The following CCSER1 variants were observed in gnomAD, a reference collection of about 807,000 sequenced individuals.
CCSER1 encodes the protein serine-rich coiled-coil domain-containing protein 1.
Under a neutral mutation model 82.0 loss-of-function variants are expected in CCSER1, and 41 were observed. The ratio of observed to expected loss-of-function variants is 0.50; its 90% CI spans 0.39 to 0.65. CCSER1 has a LOEUF of 0.65. Among genes scored for constraint, CCSER1 ranks in the 30% least tolerant of loss-of-function variants. The pLI, the probability that CCSER1 is intolerant of heterozygous loss-of-function variation, is 0.00. For synonymous variants in CCSER1, 414 were observed against 383.9 expected (o/e 1.08, Z -0.92); for missense variants, 1,119 against 1,064.2 (o/e 1.05, Z -0.72).
intron 10 of CCSER1, among the ~76,000 whole-genome samples, chr4:91,481,400 A>G (rs1757904479): frequency 6.6e-6 from 1 of 151,300 alleles, no homozygotes; most frequent in Non-Finnish European, 1.5e-5. Flanking sequence ...ATACTTAGTG[A>G]CTCTTTTTGT....
intron 7 of CCSER1, chr4:90,780,457 G>A (rs867764661): frequency 5.0e-6 from 8 of 1,612,028 alleles, no homozygotes; most frequent in Non-Finnish European, 4.2e-6. Context: ...ATACCCTAGG[G>A]AATTCTGAAA....
chr4:90,203,549 T>A (rs911942960), intron 1 of CCSER1, among the ~76,000 whole-genome samples: 9 of 152,232 alleles, frequency 5.9e-5, no homozygotes. Context: ...GGCTGCATAG[T>A]ATTCCATGGT....
intron 4 of CCSER1, among the ~76,000 whole-genome samples, chr4:90,430,777 TAAC>T (rs1758161954): frequency 6.6e-6 from 1 of 151,918 alleles, no homozygotes; most frequent in Admixed American, 6.6e-5. Context: ...CAAGTAGAAA[TAAC>T]AAAATAGGAC....
At chr4:91,048,566 C>G (rs1030097779) in intron 9 of CCSER1, among the ~76,000 whole-genome samples, 2 of 151,984 alleles carry the variant, frequency 1.3e-5, no homozygotes, top group African/African-American at 4.8e-5. Context: ...CATGGACAGG[C>G]TACAATAAGA....
At chr4:90,445,045 A>G (rs866802300) in intron 4 of CCSER1, among the ~76,000 whole-genome samples, 1 of 152,032 alleles carries the variant, frequency 6.6e-6, no homozygotes, top group African/African-American at 2.4e-5. Flanking sequence ...ATTAAAAAAA[A>G]ACAGTTACAG....
chr4:90,143,830 A>G (rs1560683009), intron 1 of CCSER1, among the ~76,000 whole-genome samples: 1 of 151,756 alleles, frequency 6.6e-6, no homozygotes, highest in Non-Finnish European at 1.5e-5. Flanking sequence ...GACCACAGGC[A>G]TGTGTCACCA....
At chr4:91,206,597 G>T (rs1215354103) in intron 10 of CCSER1, among the ~76,000 whole-genome samples, 1 of 151,834 alleles carries the variant, frequency 6.6e-6, no homozygotes, top group Non-Finnish European at 1.5e-5. Context: ...ACAGTGTAAG[G>T]GGCCAGAAGG....
chr4:91,254,993 T>C lies in CCSER1; in HGVS notation c.2217+168999T>C, dbSNP rs1261060416. Among the ~76,000 whole-genome samples, 6 of 152,152 alleles carry C rather than the reference T, an allele frequency of 3.9e-5. No homozygotes were observed. The East Asian group carries it at 1.2e-3, about 29-fold the overall frequency. ...TACTACTGTGATTACTTCATATAAG[T>C]AGAATTTTACAGTATTTGTCATTTA... On this transcript the variant is annotated intron_variant, in intron 10 of 10. Transcript: ENST00000509176.
At chr4:91,391,584 A>C (rs990960259) in intron 10 of CCSER1, among the ~76,000 whole-genome samples, 8 of 152,188 alleles carry the variant, frequency 5.3e-5, no homozygotes, top group African/African-American at 1.9e-4. Flanking sequence ...TATAGGCATA[A>C]GCCACCATGC....
chr4:90,182,117 A>G (rs1332321647), intron 1 of CCSER1, among the ~76,000 whole-genome samples: 3 of 152,184 alleles, frequency 2.0e-5, no homozygotes, highest in Non-Finnish European at 4.4e-5. Context: ...AAAAAACCCT[A>G]AAGATAACTT....
intron 5 of CCSER1, among the ~76,000 whole-genome samples, chr4:90,626,934 A>G (rs1455598978): frequency 2.0e-5 from 3 of 152,196 alleles, no homozygotes. Context: ...TCCATTTCTC[A>G]CTAACTCTTT....
At chr4:91,115,929 A>T (rs1241289945) in intron 10 of CCSER1, among the ~76,000 whole-genome samples, 1 of 148,610 alleles carries the variant, frequency 6.7e-6, no homozygotes, top group East Asian at 2.0e-4. Flanking sequence ...ATATGTATAC[A>T]TGTGCCATCT....
chr4:90,271,890 T>A (rs180754579), intron 1 of CCSER1, among the ~76,000 whole-genome samples: 26,341 of 69,026 alleles, frequency 0.38, 6,516 homozygotes, highest in African/African-American at 0.55. Context: ...TTTTTTTTTT[T>A]AAAAGGAGGT....
chr4:90,784,245 T>C (rs1231849078), intron 7 of CCSER1, among the ~76,000 whole-genome samples: 1 of 152,200 alleles, frequency 6.6e-6, no homozygotes, highest in Non-Finnish European at 1.5e-5. Flanking sequence ...ACTAGCTGAA[T>C]AATTCTTGAA....
intron 9 of CCSER1, among the ~76,000 whole-genome samples, chr4:90,981,895 C>T (rs749264041): frequency 2.0e-5 from 3 of 151,596 alleles, no homozygotes; most frequent in Non-Finnish European, 4.4e-5. Flanking sequence ...TTTCTTAGTC[C>T]CAAAACTGAT....
chr4:90,262,057 G>A (rs1307343540), intron 1 of CCSER1, among the ~76,000 whole-genome samples: 1 of 151,742 alleles, frequency 6.6e-6, no homozygotes, highest in African/African-American at 2.4e-5. Flanking sequence ...ATTTCCTTGA[G>A]TAGCTTAATA....
intron 5 of CCSER1, among the ~76,000 whole-genome samples, chr4:90,605,602 A>G (rs1339912962): frequency 1.3e-5 from 2 of 152,200 alleles, no homozygotes; most frequent in African/African-American, 2.4e-5. Flanking sequence ...GTACTCCAAC[A>G]TTATGTCTTT....
intron 4 of CCSER1, among the ~76,000 whole-genome samples, chr4:90,443,879 A>G (rs1760251939): frequency 6.6e-6 from 1 of 152,094 alleles, no homozygotes; most frequent in South Asian, 2.1e-4. Flanking sequence ...GCATATACAT[A>G]TAGTTTATAT....
At chr4:90,673,186 A>G (rs183445243) in intron 6 of CCSER1, among the ~76,000 whole-genome samples, 14 of 152,092 alleles carry the variant, frequency 9.2e-5, no homozygotes, top group African/African-American at 2.6e-4. Flanking sequence ...AATGAGGTAC[A>G]ATTGTATTTA....
Sources: gnomAD v4.1 joint callset for allele counts (sites outside exome capture counted in the v4.1 genomes callset) on GRCh38, gnomAD v4.1.1 for gene constraint, MANE v1.5 for transcripts, NCBI Gene and HGNC (gene_info 2026-07-23, HGNC 2026-07-21) for gene names.